The following LRRC20 variants were observed in gnomAD, a reference collection of about 807,000 sequenced individuals.
LRRC20 encodes leucine-rich repeat-containing protein 20.
In LRRC20, 11 loss-of-function variants were observed where a neutral mutation model predicts 14.4. That is an observed-to-expected ratio of 0.77 (90% CI 0.48 to 1.27). The LOEUF (loss-of-function observed/expected upper bound fraction) is 1.27, where lower values mean the gene tolerates loss of function less well. LRRC20 is among the 50% of genes most tolerant of loss of function. The pLI is 0.00. For missense variants in LRRC20, 219 were observed against 251.2 expected (o/e 0.87, Z 0.87); for synonymous variants, 121 against 107.3 (o/e 1.13, Z -0.79).
At chr10:70,346,144 T>A (rs944999038) in intron 2 of LRRC20, among the ~76,000 whole-genome samples, 3 of 151,992 alleles carry the variant, frequency 2.0e-5, no homozygotes, top group African/African-American at 7.2e-5. Flanking sequence ...TCCCAGCTAC[T>A]CAGGAGGCTG....
chr10:70,340,172 T>C (rs1842863090), intron 3 of LRRC20, among the ~76,000 whole-genome samples: 1 of 150,998 alleles, frequency 6.6e-6, no homozygotes, highest in South Asian at 2.1e-4. Flanking sequence ...CTGTCACTCC[T>C]GAACTGAGAG....
intron 3 of LRRC20, among the ~76,000 whole-genome samples, chr10:70,340,099 C>T (rs1373290327): frequency 4.0e-5 from 6 of 149,698 alleles, no homozygotes; most frequent in Non-Finnish European, 8.9e-5. Flanking sequence ...CCAGCCTGGG[C>T]GATACAGCAA....
At chr10:70,302,400 A>ATC (rs891638090) in intron 4 of LRRC20, among the ~76,000 whole-genome samples, 1 of 152,224 alleles carries the variant, frequency 6.6e-6, no homozygotes, top group African/African-American at 2.4e-5. Flanking sequence ...TGAGGTACAT[A>ATC]GAGTAGTTGA....
chr10:70,337,791 C>T (rs752720988), intron 3 of LRRC20, among the ~76,000 whole-genome samples: 1 of 152,198 alleles, frequency 6.6e-6, no homozygotes, highest in Non-Finnish European at 1.5e-5. Flanking sequence ...CAACCCTGGT[C>T]TCCTCAGGGG....
Position 70,343,484 on chromosome 10 carries a change from G to A in LRRC20, c.83-2782C>T, listed in dbSNP as rs187229463. Among the ~76,000 whole-genome samples the A allele has an allele frequency of 1.8e-3, 275 of 152,302 alleles. 1 individual carries two copies. Among genetic ancestry groups the A allele is most frequent in the African/African-American group, 6.2e-3 (258 of 41,554 alleles). On this transcript the variant is annotated intron_variant, in intron 2 of 4. Coordinates refer to ENST00000446961, the MANE Select transcript of LRRC20 (RefSeq NM_001278212.2). Reference sequence around the variant, plus strand: ...GCTGCACTTGGTAACCCAGCCCTGCGGCTGCCCAGTGTCAAGCACCAGCTC... The same window carrying A: ...GCTGCACTTGGTAACCCAGCCCTGCAGCTGCCCAGTGTCAAGCACCAGCTC...
chr10:70,302,112 G>A (rs1841215288), intron 4 of LRRC20, among the ~76,000 whole-genome samples: 1 of 152,114 alleles, frequency 6.6e-6, no homozygotes, highest in African/African-American at 2.4e-5. Context: ...AGGATTTCAA[G>A]ACCTGCCTGG....
At chr10:70,354,010 G>A (rs1843427950) in intron 2 of LRRC20, among the ~76,000 whole-genome samples, 1 of 152,200 alleles carries the variant, frequency 6.6e-6, no homozygotes, top group African/African-American at 2.4e-5. Context: ...GTCACTTACT[G>A]TCTGTGGGAC....
At chr10:70,327,031 G>T (rs1370234740) in intron 3 of LRRC20, among the ~76,000 whole-genome samples, 6 of 152,166 alleles carry the variant, frequency 3.9e-5, no homozygotes, top group African/African-American at 1.4e-4. Context: ...TATTCCCACA[G>T]TGGCTGAGAA....
rs189620442 is a variant in LRRC20, at chr10:70,306,996, C to T, written c.401-5488G>A. Among the ~76,000 whole-genome samples the T allele has an allele frequency of 1.4e-4, 21 of 152,314 alleles. No individual in the cohort carries two copies. The East Asian group carries it at 4.0e-3, about 29-fold the overall frequency. ...ACTGGGAGCCCCTTTGGCCTGGCTC[C>T]TGTATCTTTTGACATGGCTCCAGCA... On this transcript the variant is annotated intron_variant, in intron 4 of 4. Transcript: ENST00000446961.
chr10:70,380,970 G>A (rs1844681065), intron 1 of LRRC20, among the ~76,000 whole-genome samples: 2 of 152,206 alleles, frequency 1.3e-5, no homozygotes, highest in African/African-American at 4.8e-5. Flanking sequence ...GGAAGGGACA[G>A]GGGTGAGCAG....
intron 2 of LRRC20, among the ~76,000 whole-genome samples, chr10:70,351,923 T>C (rs1199619442): frequency 6.6e-6 from 1 of 152,216 alleles, no homozygotes; most frequent in Non-Finnish European, 1.5e-5. Context: ...AGGCTCAATA[T>C]TTTTTAACAC....
At chr10:70,317,397 G>A (rs74626371) in intron 4 of LRRC20, among the ~76,000 whole-genome samples, 1 of 151,694 alleles carries the variant, frequency 6.6e-6, no homozygotes, top group African/African-American at 2.4e-5. Flanking sequence ...GTTGAGACAA[G>A]GTCTCCCTCT....
At chr10:70,316,505 C>T (rs1329998224) in intron 4 of LRRC20, among the ~76,000 whole-genome samples, 1 of 152,226 alleles carries the variant, frequency 6.6e-6, no homozygotes, top group African/African-American at 2.4e-5. Context: ...AGAGCACCAA[C>T]AGTATCCTGG....
In LRRC20 at chr10:70,348,656, C is replaced by T. The variant is rs74142204; in HGVS notation, c.83-7954G>A. Among the ~76,000 whole-genome samples, 819 of 152,268 alleles carry T rather than the reference C, an allele frequency of 5.4e-3. 11 individuals are homozygous for T. The highest frequency in any genetic ancestry group is 0.019 in the African/African-American group (773 of 41,550). On this transcript the variant is annotated intron_variant, in intron 2 of 4. Transcript: ENST00000446961. ...CTCTACTGCCCCCTTGAGTCAAAAA[C>T]ATGCCTAGGTGCCTGGCTCTAGGCC... is the stretch of plus-strand genomic sequence containing the variant.
intron 1 of LRRC20, among the ~76,000 whole-genome samples, chr10:70,378,365 G>C (rs891612588): frequency 6.6e-6 from 1 of 152,028 alleles, no homozygotes; most frequent in African/African-American, 2.4e-5. Context: ...CTTGTCAGCC[G>C]GGCGCAGTGA....
At chr10:70,336,627 C>T (rs751869783) in intron 3 of LRRC20, among the ~76,000 whole-genome samples, 3 of 152,224 alleles carry the variant, frequency 2.0e-5, no homozygotes, top group African/African-American at 4.8e-5. Context: ...AGAACTCCCC[C>T]GTGCCAACAA....
intron 4 of LRRC20, among the ~76,000 whole-genome samples, chr10:70,303,203 G>A (rs1243627564): frequency 1.3e-5 from 2 of 152,148 alleles, no homozygotes; most frequent in Admixed American, 1.3e-4. Flanking sequence ...TTTTTGCCAA[G>A]AGAGAGGAAG....
chr10:70,376,971 G>T (rs1844535644), intron 1 of LRRC20, among the ~76,000 whole-genome samples: 1 of 152,196 alleles, frequency 6.6e-6, no homozygotes, highest in African/African-American at 2.4e-5. Flanking sequence ...CCAACTGCAG[G>T]AGAAAGACAC....
intron 3 of LRRC20, among the ~76,000 whole-genome samples, chr10:70,326,955 G>A (rs544041945): frequency 6.6e-6 from 1 of 152,302 alleles, no homozygotes; most frequent in East Asian, 1.9e-4. Context: ...CACCGCGCCC[G>A]GCAGACATGT....
Sources: gnomAD v4.1 joint callset for allele counts (sites outside exome capture counted in the v4.1 genomes callset) on GRCh38, gnomAD v4.1.1 for gene constraint, MANE v1.5 for transcripts, NCBI Gene and HGNC (gene_info 2026-07-23, HGNC 2026-07-21) for gene names.